Variants in TENM3 observed in about 807,000 individuals in gnomAD.
TENM3 encodes teneurin transmembrane protein 3.
In TENM3, 63 loss-of-function variants were observed where a neutral mutation model predicts 255.1. That is an observed-to-expected ratio of 0.25 (90% confidence interval 0.20 to 0.30). The LOEUF (loss-of-function observed/expected upper bound fraction) is 0.30, where lower values mean the gene tolerates loss of function less well. TENM3 is among the 10% of genes least tolerant of loss of function. TENM3 has a pLI of 1.00. For missense variants in TENM3, 2,929 were observed against 3,461.1 expected, an observed-to-expected ratio of 0.85 and a Z score of 3.86; for synonymous variants, 1,306 against 1,322.3, an observed-to-expected ratio of 0.99 and a Z score of 0.27.
the TENM3 span, among the ~76,000 whole-genome samples, chr4:181,493,716 C>T: frequency 1.3e-5 from 2 of 152,090 alleles, no homozygotes; most frequent in Non-Finnish European, 2.9e-5. Context: ...TGCACTCCAG[C>T]CTGGGCAACA....
chr4:182,054,156 G>A, the TENM3 span, among the ~76,000 whole-genome samples: 13 of 152,074 alleles, frequency 8.5e-5, no homozygotes, highest in South Asian at 2.1e-4. Flanking sequence ...AGCCTGAACC[G>A]TCTTGGTGAC....
At chr4:182,346,310 C>T (rs1177497073) in intron 2 of TENM3, among the ~76,000 whole-genome samples, 1 of 152,096 alleles carries the variant, frequency 6.6e-6, no homozygotes, top group Non-Finnish European at 1.5e-5. Context: ...TTTCCATTGC[C>T]TCACAAGTCT....
chr4:182,670,347 T>TA (rs1321017682), intron 6 of TENM3, among the ~76,000 whole-genome samples: 3 of 152,174 alleles, frequency 2.0e-5, no homozygotes, highest in African/African-American at 7.2e-5. Flanking sequence ...ATAGACCTGA[T>TA]AGCTACCATG....
chr4:181,854,564 C>T, the TENM3 span, among the ~76,000 whole-genome samples: 2 of 152,058 alleles, frequency 1.3e-5, no homozygotes, highest in Non-Finnish European at 2.9e-5. Flanking sequence ...AAATTGTTGC[C>T]GAATCATGCC....
At chr4:181,750,863 G>A in the TENM3 span, among the ~76,000 whole-genome samples, 4 of 152,250 alleles carry the variant, frequency 2.6e-5, no homozygotes, top group South Asian at 4.1e-4. Flanking sequence ...ATCAGTACGC[G>A]ACAGGAGTGA....
intron 3 of TENM3, among the ~76,000 whole-genome samples, chr4:182,497,918 T>C (rs538217917): frequency 7.1e-4 from 106 of 149,846 alleles, no homozygotes; most frequent in Non-Finnish European, 5.3e-4. Context: ...GATAGGAATT[T>C]CACAAAGCCT....
At chr4:182,448,838 A>G (rs1230474734) in intron 3 of TENM3, among the ~76,000 whole-genome samples, 1 of 148,782 alleles carries the variant, frequency 6.7e-6, no homozygotes, top group Non-Finnish European at 1.5e-5. Context: ...GCGGCGGCCG[A>G]GCCGGGGCGC....
the TENM3 span, among the ~76,000 whole-genome samples, chr4:181,544,298 G>A: frequency 1.5e-4 from 22 of 147,630 alleles, no homozygotes; most frequent in East Asian, 3.7e-3. Context: ...AAAAATAAAC[G>A]AATTTCTGAT....
At chr4:182,562,807 C>A (rs1743340923) in intron 3 of TENM3, among the ~76,000 whole-genome samples, 1 of 152,136 alleles carries the variant, frequency 6.6e-6, no homozygotes, top group South Asian at 2.1e-4. Flanking sequence ...GTGCCTAATT[C>A]TCTTCTGCTC....
intron 3 of TENM3, among the ~76,000 whole-genome samples, chr4:182,439,793 C>G (rs1772321405): frequency 6.6e-6 from 1 of 152,182 alleles, no homozygotes; most frequent in South Asian, 2.1e-4. Context: ...TAACATGTAT[C>G]TTTGTTAACC....
the TENM3 span, among the ~76,000 whole-genome samples, chr4:182,097,974 T>TA: frequency 6.6e-6 from 1 of 151,564 alleles, no homozygotes; most frequent in Non-Finnish European, 1.5e-5. Flanking sequence ...TCAAACAACT[T>TA]AGTAGGAAAA....
At chr4:181,905,228 A>G in the TENM3 span, among the ~76,000 whole-genome samples, 4 of 152,144 alleles carry the variant, frequency 2.6e-5, no homozygotes, top group Admixed American at 2.6e-4. Flanking sequence ...AATTATATAT[A>G]TTTAAGTATG....
At chr4:182,295,950 TA>T (rs1380085843) in intron 1 of TENM3, among the ~76,000 whole-genome samples, 4 of 152,128 alleles carry the variant, frequency 2.6e-5, no homozygotes, top group Admixed American at 1.3e-4. Flanking sequence ...CCATTATTAT[TA>T]TTTTTTTATT....
At chr4:182,719,106 C>T (rs1759443093) in intron 13 of TENM3, among the ~76,000 whole-genome samples, 1 of 152,068 alleles carries the variant, frequency 6.6e-6, no homozygotes, top group South Asian at 2.1e-4. Context: ...AGACTCAAGC[C>T]CTGTCCTGGA....
chr4:182,705,874 C>A (rs550917305), intron 12 of TENM3, among the ~76,000 whole-genome samples: 1 of 152,256 alleles, frequency 6.6e-6, no homozygotes, highest in Admixed American at 6.5e-5. Context: ...CTGGTTTTAT[C>A]CCTAGTTCTA....
the TENM3 span, among the ~76,000 whole-genome samples, chr4:181,553,727 C>T: frequency 6.6e-6 from 1 of 152,144 alleles, no homozygotes; most frequent in Non-Finnish European, 1.5e-5. Context: ...AGGCGTGAGC[C>T]ACCGCGCCCG....
chr4:182,449,306 G>T (rs2151307348), intron 3 of TENM3, among the ~76,000 whole-genome samples: 1 of 150,488 alleles, frequency 6.6e-6, no homozygotes, highest in Admixed American at 6.6e-5. Context: ...GGCAACATTC[G>T]CATCTGAGAT....
At chr4:181,573,658 G>A in the TENM3 span, among the ~76,000 whole-genome samples, 25 of 152,160 alleles carry the variant, frequency 1.6e-4, 1 homozygote, top group South Asian at 1.9e-3. Flanking sequence ...TCTCTCTCTC[G>A]TCTTAATGCA....
rs552262126 is a variant in TENM3, at chr4:182,708,760, T to A, written c.2222-5327T>A. 5.9e-4 allele frequency among the ~76,000 whole-genome samples: 88 copies of A among 148,010 alleles called. 1 individual carries two copies. The highest frequency in any genetic ancestry group is 3.6e-3 in the Middle Eastern group (1 of 274). On this transcript the variant is annotated intron_variant, in intron 12 of 27. Coordinates refer to ENST00000511685, the MANE Select transcript of TENM3 (RefSeq NM_001080477.4). ...TTGCAGTGAGCGGAGATCGCGCCAC[T>A]GTACTCCAGCCTGGGCGACAGAGCG...
Sources: allele counts gnomAD v4.1 joint callset (sites outside exome capture counted in the v4.1 genomes callset), GRCh38; gene constraint gnomAD v4.1.1; transcripts MANE v1.5; gene names NCBI Gene and HGNC (gene_info 2026-07-23, HGNC 2026-07-21).